SESN3: variants seen among roughly 807,000 people sequenced by gnomAD.
SESN3 encodes sestrin-3.
Under a neutral mutation model 55.3 loss-of-function variants are expected in SESN3, and 21 were observed. The ratio of observed to expected loss-of-function variants is 0.38; its 90% CI spans 0.27 to 0.55. The LOEUF (loss-of-function observed/expected upper bound fraction) is 0.55. SESN3 is among the 20% of genes least tolerant of loss of function. The pLI, the probability that SESN3 is intolerant of heterozygous loss-of-function variation, is 0.76. For missense variants in SESN3, 408 were observed against 604.3 expected, an observed-to-expected ratio of 0.68 and a Z score of 3.41; for synonymous variants, 181 against 203.1, an observed-to-expected ratio of 0.89 and a Z score of 0.93.
chr11:95,225,166 G>A (rs1407906284), intron 1 of SESN3, among the ~76,000 whole-genome samples: 4 of 152,084 alleles, frequency 2.6e-5, no homozygotes, highest in Admixed American at 2.0e-4. Context: ...AATACTAAGG[G>A]GCTAGCATAG....
intron 5 of SESN3, 152 bp downstream of exon 5, chr11:95,185,104 T>G: frequency 3.5e-6 from 2 of 566,218 alleles, no homozygotes; most frequent in Non-Finnish European, 6.2e-6. Flanking sequence ...AATCAGAACT[T>G]CAGGTACCAA....
At chr11:95,184,320 T>C (rs1411104076) in intron 6 of SESN3, 100 bp downstream of exon 6, 6 of 929,154 alleles carry the variant, frequency 6.5e-6, no homozygotes, top group Middle Eastern at 4.7e-4. Context: ...AAGAGAAAGA[T>C]GGTAGCAGAA....
intron 8 of SESN3, among the ~76,000 whole-genome samples, chr11:95,177,240 TATTTA>T (rs1160572350): frequency 2.6e-5 from 4 of 152,200 alleles, no homozygotes; most frequent in Non-Finnish European, 5.9e-5. Context: ...TTGGCTGATA[TATTTA>T]ATTTCAGTGT....
chr11:95,178,304 C>A (rs539722886), intron 7 of SESN3, among the ~76,000 whole-genome samples: 6 of 152,318 alleles, frequency 3.9e-5, no homozygotes, highest in African/African-American at 1.4e-4. Flanking sequence ...CTTATACCCT[C>A]TTTAGGAGTC....
At chr11:95,187,094 G>A (rs571101225) in intron 4 of SESN3, among the ~76,000 whole-genome samples, 1 of 151,954 alleles carries the variant, frequency 6.6e-6, no homozygotes, top group South Asian at 2.1e-4. Flanking sequence ...GGCCTCTCCT[G>A]TATATCAACA....
intron 1 of SESN3, among the ~76,000 whole-genome samples, chr11:95,195,079 T>C (rs1943322154): frequency 6.6e-6 from 1 of 152,054 alleles, no homozygotes; most frequent in South Asian, 2.1e-4. Context: ...AACAGGGAGA[T>C]AAATCGAAAT....
intron 1 of SESN3, among the ~76,000 whole-genome samples, chr11:95,208,918 T>C (rs1441980291): frequency 6.6e-6 from 1 of 151,462 alleles, no homozygotes; most frequent in Non-Finnish European, 1.5e-5. Flanking sequence ...CAAAAATTAA[T>C]TCAAGGTAGA....
intron 4 of SESN3, among the ~76,000 whole-genome samples, chr11:95,186,190 CTCACTGTGTG>C (rs1860159872): frequency 1.5e-5 from 1 of 66,966 alleles, no homozygotes; most frequent in South Asian, 4.9e-4. Context: ...CTCTCTATCT[CTCACTGTGTG>C]TGTGTGTGTG....
rs1315741305 is a variant in SESN3, at chr11:95,171,676, G to C, written c.*1579C>G. ...AAATTTTATCTATATTATTTACTATGAAAAATGGATAAGTTTTCAAAAATT... is the reference window on the plus strand; with the variant it reads ...AAATTTTATCTATATTATTTACTATCAAAAATGGATAAGTTTTCAAAAATT... On this transcript the variant is annotated 3_prime_UTR_variant, in exon 10 of 10. Transcript: ENST00000536441. 1 of 152,122 alleles carries C rather than the reference G, an allele frequency of 6.6e-6. No homozygotes were observed. The highest frequency in any genetic ancestry group is 2.4e-5 in the African/African-American group (1 of 41,436). The allele number at this position is 152,122 out of a possible 1,614,324, so 9.4% of individuals were successfully genotyped here.
At chr11:95,221,197 A>T (rs1210663446) in intron 1 of SESN3, among the ~76,000 whole-genome samples, 1 of 151,942 alleles carries the variant, frequency 6.6e-6, no homozygotes, top group African/African-American at 2.4e-5. Flanking sequence ...CCAGCTACTT[A>T]GGAGGCTGAG....
upstream of SESN3, chr11:95,231,931 CCT>C (rs1491422185): frequency 2.6e-5 from 4 of 152,160 alleles, no homozygotes; most frequent in Admixed American, 6.5e-5. Flanking sequence ...AGACACAAAA[CCT>C]CTGGTTTAGC....
chr11:95,222,880 C>T (rs550032393), intron 1 of SESN3, among the ~76,000 whole-genome samples: 1 of 152,260 alleles, frequency 6.6e-6, no homozygotes, highest in African/African-American at 2.4e-5. Context: ...GTTTAAATCA[C>T]ACAGGTTTAA....
At chr11:95,174,808 T>A (rs1859924889) in intron 9 of SESN3, among the ~76,000 whole-genome samples, 1 of 152,076 alleles carries the variant, frequency 6.6e-6, no homozygotes, top group African/African-American at 2.4e-5. Flanking sequence ...TTTTAAAATA[T>A]TTTTTTAATT....
chr11:95,212,734 C>A (rs1389954668), intron 1 of SESN3, among the ~76,000 whole-genome samples: 1 of 152,026 alleles, frequency 6.6e-6, no homozygotes, highest in Non-Finnish European at 1.5e-5. Context: ...AGGCACAGTA[C>A]CTTCATTCAT....
chr11:95,203,756 G>A (rs986426805), intron 1 of SESN3: 1 of 152,164 alleles, frequency 6.6e-6, no homozygotes, highest in Non-Finnish European at 1.5e-5. Context: ...CAAACGTCTT[G>A]ATGTCAGGAC....
chr11:95,194,650 A>G (rs2134238267), intron 1 of SESN3, among the ~76,000 whole-genome samples: 1 of 152,232 alleles, frequency 6.6e-6, no homozygotes, highest in Admixed American at 6.5e-5. Context: ...AAAGGCCTCA[A>G]TCTCCTGGTC....
intron 1 of SESN3, among the ~76,000 whole-genome samples, chr11:95,210,017 C>CAAAAA (rs71036380): frequency 5.5e-4 from 33 of 60,148 alleles, no homozygotes; most frequent in African/African-American, 7.5e-4. Flanking sequence ...AACTCCATCT[C>CAAAAA]AAAAAAAAAA....
chr11:95,195,005 A>C (rs1363750209), intron 1 of SESN3, among the ~76,000 whole-genome samples: 1 of 152,140 alleles, frequency 6.6e-6, no homozygotes, highest in Non-Finnish European at 1.5e-5. Flanking sequence ...CAAATGAACA[A>C]AGCAGCTGGA....
At chr11:95,181,239 G>C (rs1474804895) in intron 6 of SESN3, among the ~76,000 whole-genome samples, 1 of 151,864 alleles carries the variant, frequency 6.6e-6, no homozygotes, top group East Asian at 1.9e-4. Context: ...ATGACTTTTA[G>C]ACATTTTAAA....
Sources: gnomAD v4.1 joint callset for allele counts (sites outside exome capture counted in the v4.1 genomes callset) on GRCh38, gnomAD v4.1.1 for gene constraint, MANE v1.5 for transcripts, NCBI Gene and HGNC (gene_info 2026-07-23, HGNC 2026-07-21) for gene names.